The following MYT1L variants were observed in gnomAD, a reference collection of about 807,000 sequenced individuals.
The protein encoded by MYT1L is myelin transcription factor 1-like protein.
A neutral mutation model predicts 126.7 loss-of-function variants in MYT1L; 12 were observed. The observed-to-expected ratio is 0.09, with a 90% CI of 0.06 to 0.15. MYT1L has a LOEUF of 0.15. Ranked by LOEUF, MYT1L falls within the 10% of genes least tolerant of loss-of-function variation. The pLI is 1.00. For missense variants in MYT1L, 979 were observed against 1,585.2 expected, an observed-to-expected ratio of 0.62 and a Z score of 6.49; for synonymous variants, 541 against 604.2, an observed-to-expected ratio of 0.90 and a Z score of 1.53.
At chr2:2,122,538 C>T (rs1318599937) in intron 3 of MYT1L, among the ~76,000 whole-genome samples, 1 of 152,168 alleles carries the variant, frequency 6.6e-6, no homozygotes, top group East Asian at 1.9e-4. Flanking sequence ...AACACGCTAT[C>T]ATATACAAAG....
chr2:2,123,483 G>A (rs568047953), intron 3 of MYT1L, among the ~76,000 whole-genome samples: 28 of 152,182 alleles, frequency 1.8e-4, no homozygotes, highest in Non-Finnish European at 3.4e-4. Context: ...TTGGATCATG[G>A]GGCCCATTTT....
At chr2:2,146,323 T>C (rs1425184663) in intron 3 of MYT1L, among the ~76,000 whole-genome samples, 1 of 152,230 alleles carries the variant, frequency 6.6e-6, no homozygotes, top group Non-Finnish European at 1.5e-5. Context: ...CAGGAGCATG[T>C]GTCTGGGCAG....
intron 21 of MYT1L, chr2:1,825,155 T>G (rs2039125335): frequency 1.3e-5 from 2 of 152,318 alleles, no homozygotes; most frequent in East Asian, 3.9e-4. Flanking sequence ...CCTGCCTTCC[T>G]GATGGCGACA....
chr2:2,210,692 CA>C (rs1452306415), intron 2 of MYT1L, among the ~76,000 whole-genome samples: 2 of 152,012 alleles, frequency 1.3e-5, no homozygotes, highest in Non-Finnish European at 2.9e-5. Flanking sequence ...TTTTGCTTCA[CA>C]AAATTTAGGC....
At chr2:2,262,548 C>G (rs2094998500) in intron 2 of MYT1L, among the ~76,000 whole-genome samples, 1 of 151,766 alleles carries the variant, frequency 6.6e-6, no homozygotes. Flanking sequence ...AAAAAATTAG[C>G]CGGGCATGGT....
chr2:1,860,985 T>TCACACA (rs35080379), intron 18 of MYT1L, among the ~76,000 whole-genome samples: 16 of 151,330 alleles, frequency 1.1e-4, no homozygotes, highest in Non-Finnish European at 1.6e-4. Context: ...ACTGCTCACC[T>TCACACA]CACACACACA....
At chr2:2,292,508 G>T (rs1385337362) in intron 1 of MYT1L, among the ~76,000 whole-genome samples, 1 of 152,252 alleles carries the variant, frequency 6.6e-6, no homozygotes, top group Non-Finnish European at 1.5e-5. Context: ...CAGTGACACG[G>T]TTTCTGGACA....
At chr2:1,946,789 T>A (rs2057270234) in intron 8 of MYT1L, among the ~76,000 whole-genome samples, 2 of 152,144 alleles carry the variant, frequency 1.3e-5, no homozygotes, top group Admixed American at 6.5e-5. Context: ...GAGATAATAA[T>A]CTCAGAGCCA....
chr2:2,237,477 T>C (rs1418936550), intron 2 of MYT1L, among the ~76,000 whole-genome samples: 1 of 152,194 alleles, frequency 6.6e-6, no homozygotes, highest in Non-Finnish European at 1.5e-5. Context: ...TGATTTTGTA[T>C]CCTGAAGTGC....
chr2:2,139,679 C>T (rs1022952375), intron 3 of MYT1L, among the ~76,000 whole-genome samples: 3 of 151,798 alleles, frequency 2.0e-5, no homozygotes, highest in Non-Finnish European at 4.4e-5. Context: ...TAAAAAAGTG[C>T]ATGTCCAGGC....
intron 2 of MYT1L, among the ~76,000 whole-genome samples, chr2:2,218,654 T>C (rs2093763350): frequency 6.6e-6 from 1 of 152,206 alleles, no homozygotes; most frequent in African/African-American, 2.4e-5. Context: ...CATGGGGATC[T>C]ACACACATCA....
At chr2:2,005,278 G>A (rs373714547) in intron 4 of MYT1L, among the ~76,000 whole-genome samples, 31 of 29,858 alleles carry the variant, frequency 1.0e-3, no homozygotes, top group Middle Eastern at 0.022. Flanking sequence ...TTTCCTGTGT[G>A]CCTTCTTTCC....
chr2:1,791,843 G>T lies in MYT1L; in HGVS notation c.*24C>A. On this transcript the variant is annotated 3_prime_UTR_variant, in exon 25 of 25. Coordinates refer to ENST00000647738, the MANE Select transcript of MYT1L (RefSeq NM_001303052.2). The surrounding 1 kb of genome is among the most constrained non-coding windows in gnomAD (Gnocchi z 6.0). Reference sequence around the variant, plus strand: ...AACAAGAGGCATCCTTTTTAAGCAAGAGTTTCATCACTACAGCAGCTGTTC... The same window carrying T: ...AACAAGAGGCATCCTTTTTAAGCAATAGTTTCATCACTACAGCAGCTGTTC... 1 of 1,529,980 alleles carries T rather than the reference G, an allele frequency of 6.5e-7. No individual in the cohort carries two copies. The highest frequency in any genetic ancestry group is 8.7e-7 in the Non-Finnish European group (1 of 1,143,710). 94.8% of individuals were successfully genotyped at this position (1,529,980 alleles called of 1,614,324 possible). A position where few individuals can be genotyped will look rare whatever the true frequency, so the allele number is the denominator to read the frequency against.
chr2:1,892,731 C>T (rs912849899), intron 14 of MYT1L, among the ~76,000 whole-genome samples: 1 of 152,058 alleles, frequency 6.6e-6, no homozygotes, highest in Admixed American at 6.5e-5. Flanking sequence ...CATGAGGGCT[C>T]GTGAGCACTT....
Position 1,910,499 on chromosome 2 carries a change from T to G in MYT1L, c.1710-152A>C, listed in dbSNP as rs1174774972. Among the ~76,000 whole-genome samples, 2 of 152,084 alleles carry G rather than the reference T, an allele frequency of 1.3e-5. No homozygotes were observed. The highest frequency in any genetic ancestry group is 4.8e-5 in the African/African-American group (2 of 41,406). ...GCACAGGCAGTCCTGATGGGTGGAC[T>G]GGGAGAGGGGGAGGTAGTCATGTTT... On this transcript the variant is annotated intron_variant, in intron 12 of 24. Transcript: ENST00000647738. This position sits in a 1 kb window ranked among gnomAD's most constrained non-coding sequence, Gnocchi z 4.8.
chr2:2,241,799 G>A (rs1471021842), intron 2 of MYT1L, among the ~76,000 whole-genome samples: 1 of 152,316 alleles, frequency 6.6e-6, no homozygotes, highest in African/African-American at 2.4e-5. Flanking sequence ...ATGGCTGGAT[G>A]TTGAGGGCAT....
At chr2:2,191,619 G>T (rs969138893) in intron 2 of MYT1L, among the ~76,000 whole-genome samples, 1 of 152,130 alleles carries the variant, frequency 6.6e-6, no homozygotes, top group African/African-American at 2.4e-5. Flanking sequence ...TGGACAGTTG[G>T]GTCAGGACGT....
At chr2:2,001,034 T>C (rs1280356207) in intron 4 of MYT1L, among the ~76,000 whole-genome samples, 1 of 152,210 alleles carries the variant, frequency 6.6e-6, no homozygotes, top group East Asian at 1.9e-4. Context: ...ATGAGTTTGA[T>C]GTGTTTAGGT....
At chr2:2,323,018 C>T (rs1024617804) in intron 1 of MYT1L, among the ~76,000 whole-genome samples, 6 of 152,002 alleles carry the variant, frequency 3.9e-5, no homozygotes, top group African/African-American at 1.2e-4. Context: ...AACACACACA[C>T]ATTGAAAAAA....
Sources: gnomAD v4.1 joint callset for allele counts (sites outside exome capture counted in the v4.1 genomes callset) on GRCh38, gnomAD v4.1.1 for gene constraint, Gnocchi (gnomAD v3.1) non-coding constraint, MANE v1.5 for transcripts, NCBI Gene and HGNC (gene_info 2026-07-23, HGNC 2026-07-21) for gene names.